Variants in CAMTA1 observed in about 807,000 individuals in gnomAD.
The protein encoded by CAMTA1 is calmodulin binding transcription activator 1, also known as calmodulin-binding transcription activator 1.
In CAMTA1, 27 loss-of-function variants were observed where a neutral mutation model predicts 170.9. The ratio of observed to expected loss-of-function variants is 0.16; its 90% CI spans 0.12 to 0.22. The LOEUF is 0.22. CAMTA1 is among the 10% of genes least tolerant of loss of function. The probability of loss-of-function intolerance (pLI) is 1.00; values close to 1 mark genes in which losing one functional copy is unlikely to be tolerated. For synonymous variants in CAMTA1, 833 were observed against 891.5 expected (o/e 0.93, Z 1.17); for missense variants, 1,619 against 2,217.2 (o/e 0.73, Z 5.42).
intron 3 of CAMTA1, among the ~76,000 whole-genome samples, chr1:6,951,050 G>A (rs1571977419): frequency 6.6e-6 from 1 of 152,340 alleles, no homozygotes; most frequent in East Asian, 1.9e-4. Flanking sequence ...TTTCCTTGTG[G>A]TTTTGGGCTG....
At chr1:7,517,193 C>T (rs1365379683) in intron 6 of CAMTA1, among the ~76,000 whole-genome samples, 3 of 152,168 alleles carry the variant, frequency 2.0e-5, no homozygotes, top group African/African-American at 7.2e-5. Flanking sequence ...CTAGCCAGTC[C>T]GTGAGCGTGG....
chr1:7,488,365 C>T (rs1031509894), intron 6 of CAMTA1, among the ~76,000 whole-genome samples: 1 of 152,116 alleles, frequency 6.6e-6, no homozygotes, highest in Non-Finnish European at 1.5e-5. Context: ...ACCCCACTGG[C>T]TCCAAGGAGT....
In CAMTA1 at chr1:7,747,837, A is replaced by G. The variant is rs12133253; in HGVS notation, c.4689+56A>G. 0.69 allele frequency: 851,334 copies of G among 1,228,132 alleles called. 299,378 individuals are homozygous for G. The highest frequency in any genetic ancestry group is 0.77 in the Admixed American group (39,997 of 52,058). The allele number at this position is 1,228,132 out of a possible 1,614,324, so 76.1% of individuals were successfully genotyped here. ...ACTGTGCCCCACCCAAGGCCACTGA[A>G]GATCCTGGTTTGGCTAAAGAGCACT... On this transcript the variant is annotated intron_variant, in intron 19 of 22. Coordinates refer to ENST00000303635, the MANE Select transcript of CAMTA1 (RefSeq NM_015215.4).
In CAMTA1 at chr1:6,887,668, C is replaced by T; in HGVS notation, c.234+62458C>T. 1 of 1,535,274 alleles carries T rather than the reference C, an allele frequency of 6.5e-7. No individual in the cohort carries two copies. Reference sequence around the variant, plus strand: ...ATTTATTTCAGGCTCTCACCACACACTTGTTCATGGGCGCAGCAAAGAAGA... The same window carrying T: ...ATTTATTTCAGGCTCTCACCACACATTTGTTCATGGGCGCAGCAAAGAAGA... On this transcript the variant is annotated intron_variant, in intron 3 of 22. Coordinates refer to ENST00000303635, the MANE Select transcript of CAMTA1 (RefSeq NM_015215.4). The surrounding 1 kb of genome is among the most constrained non-coding windows in gnomAD (Gnocchi z 4.1).
chr1:7,412,601 G>A (rs1426603726), intron 5 of CAMTA1, among the ~76,000 whole-genome samples: 3 of 145,956 alleles, frequency 2.1e-5, no homozygotes, highest in African/African-American at 7.3e-5. Flanking sequence ...CTTTTTGATG[G>A]GGTTGTTTTT....
chr1:6,837,118 T>C (rs1414710022), intron 3 of CAMTA1, among the ~76,000 whole-genome samples: 3 of 152,080 alleles, frequency 2.0e-5, no homozygotes, highest in Non-Finnish European at 4.4e-5. Flanking sequence ...CATACCCGGC[T>C]AATTTTTTTG....
intron 6 of CAMTA1, among the ~76,000 whole-genome samples, chr1:7,631,243 T>A (rs1438827063): frequency 6.6e-6 from 1 of 152,196 alleles, no homozygotes; most frequent in Admixed American, 6.5e-5. Context: ...CCGGGCTCCC[T>A]GGACCTACTT....
intron 4 of CAMTA1, among the ~76,000 whole-genome samples, chr1:7,190,296 A>T (rs1654271482): frequency 6.6e-6 from 1 of 152,234 alleles, no homozygotes; most frequent in South Asian, 2.1e-4. Flanking sequence ...AAAATTTTTT[A>T]AAAATCAAGC....
intron 3 of CAMTA1, among the ~76,000 whole-genome samples, chr1:7,051,111 C>G (rs762056329): frequency 6.6e-6 from 1 of 152,128 alleles, no homozygotes; most frequent in East Asian, 1.9e-4. Context: ...TCTGGAGACA[C>G]GGTGAACAAT....
At chr1:7,285,651 T>C (rs754335450) in intron 5 of CAMTA1, among the ~76,000 whole-genome samples, 2 of 152,188 alleles carry the variant, frequency 1.3e-5, no homozygotes, top group Non-Finnish European at 2.9e-5. Context: ...CAGAACCCTC[T>C]AACCTAAACA....
intron 11 of CAMTA1, among the ~76,000 whole-genome samples, chr1:7,706,942 A>G (rs750452377): frequency 1.4e-5 from 2 of 141,094 alleles, no homozygotes; most frequent in Non-Finnish European, 3.0e-5. Context: ...GCTGGAGTGC[A>G]GTGGCATGAT....
intron 3 of CAMTA1, among the ~76,000 whole-genome samples, chr1:6,989,667 G>A (rs996608718): frequency 2.6e-5 from 4 of 152,208 alleles, no homozygotes; most frequent in South Asian, 2.1e-4. Flanking sequence ...CTTCCCCCAC[G>A]TCACTGGCAG....
rs142551354 is a variant in CAMTA1, at chr1:7,665,084, T to G, written c.2537T>G (p.Met846Arg). The G allele has an allele frequency of 6.4e-7, 1 of 1,551,692 alleles. No individual in the cohort carries two copies. Among genetic ancestry groups the G allele is most frequent in the Non-Finnish European group, 8.7e-7 (1 of 1,149,180 alleles). Reference protein sequence around the residue: ...SEGGASTMAYMHVAEVVSAAS... With the variant: ...SEGGASTMAYRHVAEVVSAAS... Reference sequence around the variant, plus strand: ...GGCGGGGCCAGCACCATGGCCTACATGCACGTCGCCGAGGTGGTCTCGGCC... The same window carrying G: ...GGCGGGGCCAGCACCATGGCCTACAGGCACGTCGCCGAGGTGGTCTCGGCC... Residue 846 changes from methionine to arginine, a missense_variant, in exon 9 of 23, where the codon ATG (methionine) becomes AGG (arginine). Physicochemically the swap from Met to Arg is moderately conservative, Grantham distance 91. Around this residue, in one of 8 missense-constraint regions of CAMTA1, gnomAD observed 731 missense variants for 907.6 expected, o/e 0.81. Coordinates refer to ENST00000303635, the MANE Select transcript of CAMTA1 (RefSeq NM_015215.4). The surrounding 1 kb of genome is among the most constrained non-coding windows in gnomAD (Gnocchi z 4.3).
At chr1:7,059,954 A>G (rs944378353) in intron 3 of CAMTA1, among the ~76,000 whole-genome samples, 1 of 152,024 alleles carries the variant, frequency 6.6e-6, no homozygotes, top group African/African-American at 2.4e-5. Context: ...GTGCTGAGGA[A>G]CCCAGGTTTC....
intron 1 of CAMTA1, among the ~76,000 whole-genome samples, chr1:6,790,379 T>C (rs60097652): frequency 7.1e-6 from 1 of 141,670 alleles, no homozygotes; most frequent in Non-Finnish European, 1.6e-5. Context: ...AGAGAGAGTG[T>C]GTGTGTGTGT....
chr1:7,764,261 A>G (rs2097000056), intron 22 of CAMTA1, among the ~76,000 whole-genome samples: 1 of 152,224 alleles, frequency 6.6e-6, no homozygotes, highest in South Asian at 2.1e-4. Flanking sequence ...GAACATAGCA[A>G]TGTATTCTAA....
At chr1:7,054,986 AAGAG>A (rs1707072617) in intron 3 of CAMTA1, among the ~76,000 whole-genome samples, 1 of 152,068 alleles carries the variant, frequency 6.6e-6, no homozygotes, top group Admixed American at 6.5e-5. Flanking sequence ...GGGCAGGAGC[AAGAG>A]AGAGAGTGGG....
chr1:7,165,930 A>G (rs1648309528), intron 4 of CAMTA1, among the ~76,000 whole-genome samples: 1 of 152,200 alleles, frequency 6.6e-6, no homozygotes, highest in Non-Finnish European at 1.5e-5. Flanking sequence ...AATAGGTATT[A>G]TGTATCTTAC....
At chr1:7,009,927 G>A (rs954399869) in intron 3 of CAMTA1, among the ~76,000 whole-genome samples, 1 of 152,194 alleles carries the variant, frequency 6.6e-6, no homozygotes, top group South Asian at 2.1e-4. Context: ...TCCTCAGGGA[G>A]CTCCCCATTT....
Sources: gnomAD v4.1 joint callset for allele counts (sites outside exome capture counted in the v4.1 genomes callset) on GRCh38, gnomAD v4.1.1 for gene constraint, gnomAD v4.1.1 regional missense constraint, Gnocchi (gnomAD v3.1) non-coding constraint, MANE v1.5 for transcripts, NCBI Gene and HGNC (gene_info 2026-07-23, HGNC 2026-07-21) for gene names.